The following CBLB variants were observed in gnomAD, a reference collection of about 807,000 sequenced individuals.
CBLB encodes E3 ubiquitin-protein ligase CBL-B.
A neutral mutation model predicts 104.9 loss-of-function variants in CBLB; 31 were observed. The observed-to-expected ratio is 0.30, with a 90% CI of 0.22 to 0.40. The LOEUF (loss-of-function observed/expected upper bound fraction) is 0.40, where lower values mean the gene tolerates loss of function less well. Among genes scored for constraint, CBLB ranks in the 10% least tolerant of loss-of-function variants. The pLI is 1.00. For missense variants in CBLB, 1,062 were observed against 1,214.6 expected, an observed-to-expected ratio of 0.87 and a Z score of 1.87; for synonymous variants, 440 against 422.6, an observed-to-expected ratio of 1.04 and a Z score of -0.51.
chr3:105,764,739 C>T (rs62261495), intron 4 of CBLB, among the ~76,000 whole-genome samples: 1 of 152,080 alleles, frequency 6.6e-6, no homozygotes, highest in African/African-American at 2.4e-5. Context: ...AGGCCTCTTG[C>T]ACCAAACAGT....
Position 105,658,507 on chromosome 3 carries a change from T to C in CBLB, c.*463A>G. The C allele has an allele frequency of 4.1e-6, 1 of 242,408 alleles. No individual in the cohort carries two copies. Among genetic ancestry groups the C allele is most frequent in the East Asian group, 5.9e-5 (1 of 16,866 alleles). The allele number at this position is 242,408 out of a possible 1,614,324, so 15.0% of individuals were successfully genotyped here. ...GGCATGGGGATGGTAGAGATCCATA[T>C]GAATAAATGATTTAGCTGTTGATGT... On this transcript the variant is annotated 3_prime_UTR_variant, in exon 19 of 19. Transcript: ENST00000394030.
In CBLB at chr3:105,767,181, T is replaced by C. The variant is rs377387172; in HGVS notation, c.566+9215A>G. ...ACTTTAGTTCTTTTTTCTTTCTCTTTAGAGTATCTGCTAAAAATTTTCATT... is the reference window on the plus strand; with the variant it reads ...ACTTTAGTTCTTTTTTCTTTCTCTTCAGAGTATCTGCTAAAAATTTTCATT... On this transcript the variant is annotated intron_variant, in intron 4 of 18. Transcript: ENST00000394030. 3.3e-5 allele frequency among the ~76,000 whole-genome samples: 5 copies of C among 152,288 alleles called. No individual in the cohort carries two copies. The East Asian group carries it at 5.8e-4, about 18-fold the overall frequency.
intron 3 of CBLB, among the ~76,000 whole-genome samples, chr3:105,810,577 A>C (rs2084151480): frequency 6.6e-6 from 1 of 152,150 alleles, no homozygotes; most frequent in Non-Finnish European, 1.5e-5. Flanking sequence ...ATAAAAAATC[A>C]AAGGAAACCT....
intron 4 of CBLB, among the ~76,000 whole-genome samples, chr3:105,769,602 T>G (rs544839218): frequency 2.0e-4 from 31 of 152,178 alleles, no homozygotes; most frequent in Middle Eastern, 3.4e-3. Context: ...ATCCAAGCAG[T>G]GAATGCAACA....
chr3:105,686,369 A>G (rs932216550), intron 13 of CBLB, among the ~76,000 whole-genome samples: 1 of 152,064 alleles, frequency 6.6e-6, no homozygotes, highest in Non-Finnish European at 1.5e-5. Flanking sequence ...TTTGCAAGGC[A>G]TTGGGAATAC....
At chr3:105,808,134 T>A (rs1379579483) in intron 3 of CBLB, among the ~76,000 whole-genome samples, 2 of 152,216 alleles carry the variant, frequency 1.3e-5, no homozygotes, top group Non-Finnish European at 2.9e-5. Flanking sequence ...CTGAGCCTTA[T>A]AAAACCAAGA....
chr3:105,819,377 C>G (rs1232171866), intron 3 of CBLB, among the ~76,000 whole-genome samples: 1 of 151,910 alleles, frequency 6.6e-6, no homozygotes, highest in Non-Finnish European at 1.5e-5. Flanking sequence ...GTCTCAGCTA[C>G]TCAGGAGGCT....
At chr3:105,826,353 A>C (rs1008126566) in intron 3 of CBLB, among the ~76,000 whole-genome samples, 1 of 152,206 alleles carries the variant, frequency 6.6e-6, no homozygotes, top group Non-Finnish European at 1.5e-5. Context: ...AAAAGATAAA[A>C]TATTAAACAA....
At position 105,798,039 on chromosome 3, in the gene CBLB, A is replaced by C. The variant is rs572138557; in HGVS notation, c.420-21497T>G. Among the ~76,000 whole-genome samples the C allele has an allele frequency of 2.0e-3, 305 of 152,360 alleles. 1 individual carries two copies. The highest frequency in any genetic ancestry group is 3.4e-3 in the Non-Finnish European group (232 of 68,028). On this transcript the variant is annotated intron_variant, in intron 3 of 18. Transcript: ENST00000394030. ...AGATGCAGAGCAACTTACCTTGGCC[A>C]TTCCAAATTTTAAATTGACATACAT...
chr3:105,705,737 C>CT (rs1389720830), intron 10 of CBLB, among the ~76,000 whole-genome samples: 1 of 152,120 alleles, frequency 6.6e-6, no homozygotes, highest in Non-Finnish European at 1.5e-5. Context: ...TGTTAAGTTT[C>CT]TTTTTTTCTC....
chr3:105,660,344 T>C (rs555744028), intron 18 of CBLB, among the ~76,000 whole-genome samples: 4 of 151,702 alleles, frequency 2.6e-5, no homozygotes, highest in African/African-American at 9.7e-5. Context: ...TGCACCACCA[T>C]GCCTGGCTAA....
At chr3:105,760,263 G>C (rs2077491641) in intron 4 of CBLB, among the ~76,000 whole-genome samples, 1 of 152,118 alleles carries the variant, frequency 6.6e-6, no homozygotes. Flanking sequence ...GAAAGGAACA[G>C]GAAGAGAAGC....
At chr3:105,732,218 A>G (rs2074393329) in intron 9 of CBLB, among the ~76,000 whole-genome samples, 1 of 150,644 alleles carries the variant, frequency 6.6e-6, no homozygotes, top group African/African-American at 2.4e-5. Flanking sequence ...TCTCTATAAT[A>G]CCTCCTACTG....
intron 18 of CBLB, among the ~76,000 whole-genome samples, chr3:105,664,838 A>T (rs1244351857): frequency 2.0e-5 from 3 of 152,116 alleles, no homozygotes; most frequent in African/African-American, 7.2e-5. Context: ...AAAACCCTTC[A>T]TTATTTTGTC....
chr3:105,787,010 A>T (rs1207372077), intron 3 of CBLB, among the ~76,000 whole-genome samples: 1 of 152,186 alleles, frequency 6.6e-6, no homozygotes, highest in African/African-American at 2.4e-5. Flanking sequence ...CTCACAGAAA[A>T]ATCCTGTCTT....
chr3:105,672,544 T>C (rs895599992), intron 17 of CBLB: 1 of 159,346 alleles, frequency 6.3e-6, no homozygotes, highest in Non-Finnish European at 1.4e-5. Context: ...TAAGAAAACT[T>C]TGTAAAGTAA....
In CBLB at chr3:105,785,748, AC is replaced by A. The variant is rs77431461; in HGVS notation, c.420-9207del. Among the ~76,000 whole-genome samples, 937 of 152,326 alleles carry A rather than the reference AC, an allele frequency of 6.2e-3. 29 individuals carry two copies. Among genetic ancestry groups the A allele is most frequent in the East Asian group, 0.052 (272 of 5,190 alleles). On this transcript the variant is annotated intron_variant, in intron 3 of 18. Transcript: ENST00000394030. The stretch of plus-strand genomic sequence containing the variant: ...ATGTCGTGCAATACTAACAGAGAAA[AC>A]TAAAATCATGAGATTTTTTCTACCT...
intron 3 of CBLB, among the ~76,000 whole-genome samples, chr3:105,810,452 T>G (rs2084127527): frequency 6.6e-6 from 1 of 152,134 alleles, no homozygotes; most frequent in African/African-American, 2.4e-5. Flanking sequence ...GCTCACCAAC[T>G]AGCCTATTTT....
intron 11 of CBLB, among the ~76,000 whole-genome samples, 189 bp from the exon 12 acceptor site, chr3:105,702,648 A>C (rs892442944): frequency 6.6e-6 from 1 of 152,128 alleles, no homozygotes; most frequent in Non-Finnish European, 1.5e-5. Flanking sequence ...AAATGAGAAT[A>C]AAAAACTCAT....
Sources: allele counts gnomAD v4.1 joint callset (sites outside exome capture counted in the v4.1 genomes callset), GRCh38; gene constraint gnomAD v4.1.1; transcripts MANE v1.5; gene names NCBI Gene and HGNC (gene_info 2026-07-23, HGNC 2026-07-21).